Variants in RNMT observed in about 807,000 individuals in gnomAD.
The protein encoded by RNMT is mRNA cap guanine-N(7) methyltransferase.
A neutral mutation model predicts 56.0 loss-of-function variants in RNMT; 27 were observed. That is an observed-to-expected ratio of 0.48 (90% CI 0.36 to 0.67). The LOEUF (loss-of-function observed/expected upper bound fraction) is 0.67. Ranked by LOEUF, RNMT falls within the 30% of genes least tolerant of loss-of-function variation. The pLI, the probability that RNMT is intolerant of heterozygous loss-of-function variation, is 0.00. For synonymous variants in RNMT, 184 were observed against 176.2 expected (o/e 1.04, Z -0.35); for missense variants, 519 against 552.1 (o/e 0.94, Z 0.60).
Position 13,760,802 on chromosome 18 carries a change from C to T in RNMT, c.*823C>T. The T allele has an allele frequency of 1.0e-6, 1 of 985,384 alleles. No individual in the cohort carries two copies. Among genetic ancestry groups the T allele is most frequent in the Non-Finnish European group, 1.2e-6 (1 of 829,896 alleles). 61.0% of individuals were successfully genotyped at this position (985,384 alleles called of 1,614,324 possible). On this transcript the variant is annotated 3_prime_UTR_variant, in exon 12 of 12. Coordinates refer to ENST00000383314, the MANE Select transcript of RNMT (RefSeq NM_003799.3). ...TTTTCCAAATTTATACATGGAACTG[C>T]AGTAGGAATATTCTCACCATCTGAT...
At chr18:13,728,330 T>TTGTG (rs1212860122) in intron 1 of RNMT, among the ~76,000 whole-genome samples, 19 of 21,462 alleles carry the variant, frequency 8.9e-4, no homozygotes, top group African/African-American at 1.6e-3. Context: ...TTTTTTTTTT[T>TTGTG]TGTGTGTGTG....
chr18:13,728,201 C>T (rs1303338181), intron 1 of RNMT, among the ~76,000 whole-genome samples: 2 of 150,856 alleles, frequency 1.3e-5, no homozygotes, highest in African/African-American at 2.4e-5. Flanking sequence ...CTCCATCATA[C>T]TTTTCCCAGT....
Position 13,742,618 on chromosome 18 carries a change from C to G in RNMT, c.1105C>G (p.Pro369Ala). The G allele has an allele frequency of 1.9e-6, 3 of 1,613,240 alleles. No homozygotes were observed. Among genetic ancestry groups the G allele is most frequent in the Non-Finnish European group, 8.5e-7 (1 of 1,179,700 alleles). Reference sequence around the variant, plus strand: ...CAACTTGGAAGGTGTTGTGGATGTTCCTGAATTCTTGGTCTATTTTCCATT... The same window carrying G: ...CAACTTGGAAGGTGTTGTGGATGTTGCTGAATTCTTGGTCTATTTTCCATT... Reference protein sequence around the residue: ...DFNLEGVVDVPEFLVYFPLLN... With the variant: ...DFNLEGVVDVAEFLVYFPLLN... The change falls in exon 8 of 12, where the codon CCT (proline) becomes GCT (alanine). Residue 369 changes from proline (P) to alanine (A), a missense_variant. By Grantham distance (27) the Pro-to-Ala change is conservative (BLOSUM62 -1). Coordinates refer to ENST00000383314, the MANE Select transcript of RNMT (RefSeq NM_003799.3).
At position 13,742,469 on chromosome 18, in the gene RNMT, T is replaced by TG; in HGVS notation, c.975-14dup. 1 of 1,608,552 alleles carries TG rather than the reference T, an allele frequency of 6.2e-7. No homozygotes were observed. The highest frequency in any genetic ancestry group is 1.1e-5 in the South Asian group (1 of 90,042). Reference sequence around the variant, plus strand: ...ACAATTTTAATCTTTTTATTTTGGTTGGGGGATAACCTTGATAGAAGACGC... The same window carrying TG: ...ACAATTTTAATCTTTTTATTTTGGTTGGGGGGATAACCTTGATAGAAGACGC... On this transcript the variant is annotated intron_variant, in intron 7 of 11. Transcript: ENST00000383314.
chr18:13,736,350 A>G (rs959561771), intron 4 of RNMT, among the ~76,000 whole-genome samples: 1 of 152,190 alleles, frequency 6.6e-6, no homozygotes, highest in African/African-American at 2.4e-5. Flanking sequence ...TTGCCTGAGA[A>G]TATTAATATG....
At chr18:13,743,650 G>A (rs895021356) in intron 8 of RNMT, among the ~76,000 whole-genome samples, 1 of 151,958 alleles carries the variant, frequency 6.6e-6, no homozygotes, top group Admixed American at 6.6e-5. Context: ...CAGCTTAAAT[G>A]TAGGCCATGT....
Position 13,761,842 on chromosome 18 carries a change from C to CGCG in RNMT, c.*1863_*1864insGCG. 8.0e-7 allele frequency: 1 copy of CGCG among 1,243,742 alleles called. No homozygotes were observed. Among genetic ancestry groups the CGCG allele is most frequent in the Non-Finnish European group, 1.0e-6 (1 of 986,220 alleles). 77.0% of individuals were successfully genotyped at this position (1,243,742 alleles called of 1,614,324 possible). On this transcript the variant is annotated 3_prime_UTR_variant, in exon 12 of 12. Coordinates refer to ENST00000383314, the MANE Select transcript of RNMT (RefSeq NM_003799.3). Reference sequence around the variant, plus strand: ...TATCAGTTCTTCCTCCACCACCCTACACCCCCCTCCCCCCGGCCCCAAGCC... The same window carrying CGCG: ...TATCAGTTCTTCCTCCACCACCCTACGCGACCCCCCTCCCCCCGGCCCCAAGCC...
intron 4 of RNMT, among the ~76,000 whole-genome samples, chr18:13,736,809 T>C (rs2044164808): frequency 6.6e-6 from 1 of 152,234 alleles, no homozygotes. Flanking sequence ...AGACACGTAC[T>C]CTTTAATGAT....
At chr18:13,743,369 T>C in intron 8 of RNMT, among the ~76,000 whole-genome samples, 1 of 147,680 alleles carries the variant, frequency 6.8e-6, no homozygotes, top group East Asian at 2.0e-4. Context: ...AATAAATAAA[T>C]AAATCAAAGA....
At chr18:13,736,764 A>G (rs1375344913) in intron 4 of RNMT, among the ~76,000 whole-genome samples, 1 of 152,220 alleles carries the variant, frequency 6.6e-6, no homozygotes, top group Non-Finnish European at 1.5e-5. Flanking sequence ...TTGAAAGTTA[A>G]CATTCAAAAT....
chr18:13,728,300 C>CTTTTT lies in RNMT; in HGVS notation c.-172+1598_-172+1602dup, dbSNP rs1204415985. On this transcript the variant is annotated intron_variant, in intron 1 of 11. Coordinates refer to ENST00000383314, the MANE Select transcript of RNMT (RefSeq NM_003799.3). ...CTGCATCCTGCATCCTCATCAGCAT[C>CTTTTT]TTTTTTTTTTTTTTTTTTTTTTTTT... Among the ~76,000 whole-genome samples, 19 of 109,640 alleles carry CTTTTT rather than the reference C, an allele frequency of 1.7e-4. 1 individual carries two copies. The highest frequency in any genetic ancestry group is 4.7e-4 in the African/African-American group (13 of 27,598). The allele number at this position is 109,640 out of a possible 152,430, so 71.9% of individuals were successfully genotyped here. A position where few individuals can be genotyped will look rare whatever the true frequency, so the allele number is the denominator to read the frequency against.
At chr18:13,743,478 G>C (rs968522654) in intron 8 of RNMT, among the ~76,000 whole-genome samples, 5 of 152,062 alleles carry the variant, frequency 3.3e-5, no homozygotes, top group Admixed American at 2.6e-4. Flanking sequence ...ATAAAATCCT[G>C]ATTCAGGAAT....
At position 13,760,447 on chromosome 18, in the gene RNMT, G is replaced by T; in HGVS notation, c.*468G>T. ...ATGGTCTGTACAGTTGAATGTAAGT[G>T]TTCAATATGTATTGCTGAAGTTATA... On this transcript the variant is annotated 3_prime_UTR_variant, in exon 12 of 12. Transcript: ENST00000383314. 1.0e-6 allele frequency: 1 copy of T among 985,512 alleles called. No individual in the cohort carries two copies. The highest frequency in any genetic ancestry group is 1.2e-6 in the Non-Finnish European group (1 of 829,632). The allele number at this position is 985,512 out of a possible 1,614,324, so 61.0% of individuals were successfully genotyped here. A position where few individuals can be genotyped will look rare whatever the true frequency, so the allele number is the denominator to read the frequency against.
intron 3 of RNMT, among the ~76,000 whole-genome samples, chr18:13,732,742 CT>C (rs376073026): frequency 2.7e-3 from 78 of 28,542 alleles, no homozygotes; most frequent in African/African-American, 4.9e-3. Flanking sequence ...GGAGCCCCCC[CT>C]TTTTTTTTTT....
Position 13,754,094 on chromosome 18 carries a change from T to G in RNMT, c.1360-20T>G, listed in dbSNP as rs1157681295. On this transcript the variant is annotated intron_variant, in intron 10 of 11. Transcript: ENST00000383314. ...TCCATATTGAATCTAAAATTTTCTT[T>G]TTCTCTTTTGTAATTTTAGGGAACC... 2.0e-6 allele frequency: 3 copies of G among 1,468,774 alleles called. No homozygotes were observed. Among genetic ancestry groups the G allele is most frequent in the African/African-American group, 2.8e-5 (2 of 71,848 alleles). The allele number at this position is 1,468,774 out of a possible 1,614,324, so 91.0% of individuals were successfully genotyped here. A position where few individuals can be genotyped will look rare whatever the true frequency, so the allele number is the denominator to read the frequency against.
rs2044654207 is a variant in RNMT, at chr18:13,764,354, A to G, written c.*4375A>G. The G allele has an allele frequency of 6.6e-6, 1 of 152,184 alleles. No individual in the cohort carries two copies. The highest frequency in any genetic ancestry group is 1.5e-5 in the Non-Finnish European group (1 of 68,034). 9.4% of individuals were successfully genotyped at this position (152,184 alleles called of 1,614,324 possible). A position where few individuals can be genotyped will look rare whatever the true frequency, so the allele number is the denominator to read the frequency against. ...GTTAACTACCTCTCCAAGGGAAACC[A>G]CTATCCTGAGTTCTAAGCGCATAGA... On this transcript the variant is annotated 3_prime_UTR_variant, in exon 12 of 12. Transcript: ENST00000383314.
rs985702261 is a variant in RNMT, at chr18:13,746,330, C to T, written c.1250C>T (p.Ala417Val). The T allele has an allele frequency of 1.3e-6, 2 of 1,504,330 alleles. No individual in the cohort carries two copies. The highest frequency in any genetic ancestry group is 2.0e-5 in the Admixed American group (1 of 51,024). 93.2% of individuals were successfully genotyped at this position (1,504,330 alleles called of 1,614,324 possible). Reference protein sequence around the residue: ...ENKMLLKRMQALEPYPANESS... With the variant: ...ENKMLLKRMQVLEPYPANESS... ...AAAATGCTCTTAAAACGAATGCAGGCCTTGGAGGTGAGTATTTAGAAAAGA... is the reference window on the plus strand; with the variant it reads ...AAAATGCTCTTAAAACGAATGCAGGTCTTGGAGGTGAGTATTTAGAAAAGA... Residue 417 changes from alanine (A) to valine (V), a missense_variant, in exon 9 of 12, where the codon GCC (alanine) becomes GTC (valine). Physicochemically the swap from Ala to Val is moderately conservative, Grantham distance 64. Transcript: ENST00000383314.
intron 3 of RNMT, among the ~76,000 whole-genome samples, chr18:13,733,171 T>C (rs1411527162): frequency 6.6e-6 from 1 of 152,108 alleles, no homozygotes; most frequent in Non-Finnish European, 1.5e-5. Flanking sequence ...CAAGGATTTG[T>C]TTGAAAGGCC....
intron 8 of RNMT, among the ~76,000 whole-genome samples, chr18:13,745,475 G>A (rs1281191810): frequency 2.0e-5 from 3 of 152,332 alleles, no homozygotes; most frequent in African/African-American, 7.2e-5. Context: ...TGTGTATTGA[G>A]CACAGTGGGT....
Sources: gnomAD v4.1 joint callset for allele counts (sites outside exome capture counted in the v4.1 genomes callset) on GRCh38, gnomAD v4.1.1 for gene constraint, MANE v1.5 for transcripts, NCBI Gene and HGNC (gene_info 2026-07-23, HGNC 2026-07-21) for gene names.